ZNF892: variants seen among roughly 807,000 people sequenced by gnomAD.
The protein encoded by ZNF892 is zinc finger protein 570-like.
chr2:95,214,125 A>T, the ZNF892 span, among the ~76,000 whole-genome samples: 1 of 152,112 alleles, frequency 6.6e-6, no homozygotes, highest in East Asian at 1.9e-4. Context: ...CACTCCTTTT[A>T]TGCCGTCGTA....
chr2:95,242,575 A>G, the ZNF892 span, among the ~76,000 whole-genome samples: 10 of 152,242 alleles, frequency 6.6e-5, no homozygotes, highest in Admixed American at 6.5e-4. Flanking sequence ...CTATGAAGCA[A>G]TTGCATAAAC....
At chr2:95,223,689 C>A in the ZNF892 span, among the ~76,000 whole-genome samples, 1 of 152,224 alleles carries the variant, frequency 6.6e-6, no homozygotes, top group African/African-American at 2.4e-5. Flanking sequence ...GCATGAGCCA[C>A]TCTGCTCCAC....
At chr2:95,231,808 C>G in the ZNF892 span, among the ~76,000 whole-genome samples, 1 of 152,082 alleles carries the variant, frequency 6.6e-6, no homozygotes, top group South Asian at 2.1e-4. Context: ...TAGTTCCGTT[C>G]AGCCTCACCA....
chr2:95,243,462 C>T, the ZNF892 span, among the ~76,000 whole-genome samples: 14 of 151,546 alleles, frequency 9.2e-5, no homozygotes, highest in African/African-American at 2.7e-4. Flanking sequence ...TCTGCCCGGC[C>T]GCCCATCGTC....
At chr2:95,262,033 G>A in the ZNF892 span, among the ~76,000 whole-genome samples, 18 of 152,184 alleles carry the variant, frequency 1.2e-4, no homozygotes, top group African/African-American at 1.7e-4. Context: ...GAATTATTTC[G>A]TTTACGCTTG....
At chr2:95,254,697 A>G in the ZNF892 span, among the ~76,000 whole-genome samples, 2 of 152,298 alleles carry the variant, frequency 1.3e-5, no homozygotes, top group South Asian at 4.1e-4. Context: ...TTCGGCTGTG[A>G]ATCCATCTGG....
chr2:95,240,166 A>G, the ZNF892 span, among the ~76,000 whole-genome samples: 2 of 152,178 alleles, frequency 1.3e-5, no homozygotes. Flanking sequence ...GGAGGAGCAA[A>G]GATGTCCAGT....
At chr2:95,206,449 T>A in the ZNF892 span, among the ~76,000 whole-genome samples, 1 of 152,176 alleles carries the variant, frequency 6.6e-6, no homozygotes, top group African/African-American at 2.4e-5. Flanking sequence ...TTAACTTTTA[T>A]ATCTAGGTTT....
chr2:95,239,168 G>A, the ZNF892 span, among the ~76,000 whole-genome samples: 7 of 147,982 alleles, frequency 4.7e-5, no homozygotes, highest in Non-Finnish European at 1.0e-4. Context: ...AAAAAGTGGA[G>A]CCTGAAGATG....
chr2:95,210,081 A>G, the ZNF892 span, among the ~76,000 whole-genome samples: 3 of 151,056 alleles, frequency 2.0e-5, no homozygotes, highest in African/African-American at 7.3e-5. Context: ...ATATATATGT[A>G]TATATGTATA....
the ZNF892 span, chr2:95,259,893 G>A: frequency 6.6e-6 from 1 of 152,420 alleles, no homozygotes; most frequent in South Asian, 2.1e-4. Context: ...GATTCCAGCT[G>A]TTCCCCACCC....
At chr2:95,257,781 C>G in the ZNF892 span, among the ~76,000 whole-genome samples, 2 of 152,206 alleles carry the variant, frequency 1.3e-5, no homozygotes, top group African/African-American at 4.8e-5. Flanking sequence ...GCGCCCCTCC[C>G]CCAGCCTCAC....
At chr2:95,263,329 C>A in the ZNF892 span, among the ~76,000 whole-genome samples, 27 of 152,300 alleles carry the variant, frequency 1.8e-4, no homozygotes, top group Non-Finnish European at 1.5e-5. Context: ...TCAACCCACA[C>A]CTTGATTTTA....
the ZNF892 span, among the ~76,000 whole-genome samples, chr2:95,213,989 ATC>A: frequency 2.0e-5 from 3 of 152,122 alleles, no homozygotes; most frequent in African/African-American, 7.2e-5. Context: ...TAAAGGATCT[ATC>A]TCCTCTAGAT....
chr2:95,238,955 A>G, the ZNF892 span, among the ~76,000 whole-genome samples: 1 of 152,148 alleles, frequency 6.6e-6, no homozygotes, highest in Non-Finnish European at 1.5e-5. Flanking sequence ...CCTGGCCAAC[A>G]TGGTAAAACC....
the ZNF892 span, among the ~76,000 whole-genome samples, chr2:95,220,375 G>A: frequency 6.8e-6 from 1 of 147,792 alleles, no homozygotes; most frequent in African/African-American, 2.5e-5. Context: ...GTCTGTGCCT[G>A]TTGGCGTTTC....
the ZNF892 span, among the ~76,000 whole-genome samples, chr2:95,230,227 G>A: frequency 6.6e-6 from 1 of 152,074 alleles, no homozygotes; most frequent in Non-Finnish European, 1.5e-5. Context: ...GGGAAAGGGT[G>A]GGAAGGAGAT....
At chr2:95,256,332 G>A in the ZNF892 span, among the ~76,000 whole-genome samples, 3 of 152,266 alleles carry the variant, frequency 2.0e-5, no homozygotes, top group South Asian at 6.2e-4. Flanking sequence ...CACTTATGAA[G>A]CTTAGTTTGG....
chr2:95,226,562 G>A, the ZNF892 span, among the ~76,000 whole-genome samples: 16 of 152,178 alleles, frequency 1.1e-4, no homozygotes, highest in African/African-American at 1.2e-4. Flanking sequence ...GCCTTAGTAT[G>A]TAGGGATTCT....
Sources: gnomAD v4.1 joint callset for allele counts (sites outside exome capture counted in the v4.1 genomes callset) on GRCh38, gnomAD v4.1.1 for gene constraint, MANE v1.5 for transcripts, NCBI Gene and HGNC (gene_info 2026-07-23, HGNC 2026-07-21) for gene names.